The following AATK variants were observed in gnomAD, a reference collection of about 807,000 sequenced individuals.
The protein encoded by AATK is serine/threonine-protein kinase LMTK1.
A neutral mutation model predicts 114.3 loss-of-function variants in AATK; 91 were observed. The ratio of observed to expected loss-of-function variants is 0.80; its 90% CI spans 0.67 to 0.95. AATK has a LOEUF of 0.95. AATK is among the 40% of genes least tolerant of loss of function. The pLI is 0.00. For synonymous variants in AATK, 1,075 were observed against 916.5 expected (o/e 1.17, Z -3.12); for missense variants, 2,176 against 1,965.2 (o/e 1.11, Z -2.03).
intron 1 of AATK, 43 bp downstream of exon 1, chr17:81,165,895 G>T: frequency 6.4e-7 from 1 of 1,558,422 alleles, no homozygotes. Flanking sequence ...CGTCCGCAGC[G>T]GAGGGAGGCA....
intron 1 of AATK, among the ~76,000 whole-genome samples, chr17:81,136,903 G>A (rs2061018713): frequency 6.6e-6 from 1 of 152,134 alleles, no homozygotes; most frequent in South Asian, 2.1e-4. Flanking sequence ...AAACCACAGC[G>A]GTTCCCATCT....
At position 81,144,677 on chromosome 17, in the gene AATK, G is replaced by A. The variant is rs867887488; in HGVS notation, c.56-10176C>T. Among the ~76,000 whole-genome samples, 18 of 152,246 alleles carry A rather than the reference G, an allele frequency of 1.2e-4. No homozygotes were observed. The South Asian group carries it at 1.2e-3, about 10-fold the overall frequency. On this transcript the variant is annotated intron_variant, in intron 1 of 13. Transcript: ENST00000326724. ...CTTCTGTCTTCATCAAATCCACACC[G>A]GAGAGTGTGGCAGAGTCTGAGAGCC...
In AATK at chr17:81,132,917, G is replaced by A. The variant is rs1337671053; in HGVS notation, c.189+1451C>T. 1.2e-5 allele frequency: 3 copies of A among 246,750 alleles called. No individual in the cohort carries two copies. The Admixed American group carries it at 1.5e-4, about 13-fold the overall frequency. 15.3% of individuals were successfully genotyped at this position (246,750 alleles called of 1,614,324 possible). ...GAGGAGCTATGGCCAGCCCTTGTTTGGGGCCTTGTTCTTACAGTGCCCCAA... is the reference window on the plus strand; with the variant it reads ...GAGGAGCTATGGCCAGCCCTTGTTTAGGGCCTTGTTCTTACAGTGCCCCAA... On this transcript the variant is annotated intron_variant, in intron 2 of 13. Transcript: ENST00000326724.
chr17:81,118,478 T>C (rs771945869), intron 13 of AATK, 36 bp from the exon 14 acceptor site: 2 of 1,598,470 alleles, frequency 1.3e-6, no homozygotes, highest in East Asian at 2.3e-5. Context: ...CACAGGGTTC[T>C]GAGACACCAG....
At chr17:81,159,276 G>C (rs1325526362) in intron 1 of AATK, among the ~76,000 whole-genome samples, 2 of 152,198 alleles carry the variant, frequency 1.3e-5, no homozygotes, top group South Asian at 4.1e-4. Flanking sequence ...GCCCACAACT[G>C]AGCATCATTC....
In AATK at chr17:81,146,200, A is replaced by G. The variant is rs561600897; in HGVS notation, c.56-11699T>C. 1.3e-4 allele frequency among the ~76,000 whole-genome samples: 19 copies of G among 151,024 alleles called. No homozygotes were observed. The South Asian group carries it at 1.5e-3, about 12-fold the overall frequency. On this transcript the variant is annotated intron_variant, in intron 1 of 13. Transcript: ENST00000326724. ...CGAGACTCCATATTAAAAAAAAAAA[A>G]AAAAGAAAAAATTAGCTGGGCGTGG...
At chr17:81,119,781 C>A (rs545253634) in intron 12 of AATK, among the ~76,000 whole-genome samples, 155 bp downstream of exon 12, 1 of 151,688 alleles carries the variant, frequency 6.6e-6, no homozygotes, top group African/African-American at 2.4e-5. Flanking sequence ...GTACCAGACC[C>A]GCCTCCCATG....
intron 1 of AATK, among the ~76,000 whole-genome samples, chr17:81,145,234 C>CAAAAAA (rs761538299): frequency 3.1e-4 from 37 of 120,298 alleles, no homozygotes; most frequent in East Asian, 5.2e-4. Flanking sequence ...GAGACTCCAT[C>CAAAAAA]AAAAAAAAAA....
At chr17:81,134,305 A>G (rs955565845) in intron 2 of AATK, 63 bp downstream of exon 2, 1 of 1,588,888 alleles carries the variant, frequency 6.3e-7, no homozygotes, top group Non-Finnish European at 8.6e-7. Flanking sequence ...CTCAGGGTCA[A>G]GTGGACGCTA....
intron 1 of AATK, among the ~76,000 whole-genome samples, chr17:81,134,708 C>T (rs1237471986): frequency 6.6e-6 from 1 of 152,226 alleles, no homozygotes; most frequent in Non-Finnish European, 1.5e-5. Context: ...CTGGACACCA[C>T]CCTGGCTTCG....
chr17:81,159,488 T>G (rs912371479), intron 1 of AATK, among the ~76,000 whole-genome samples: 2 of 151,970 alleles, frequency 1.3e-5, no homozygotes, highest in Non-Finnish European at 2.9e-5. Context: ...CCGTGGTCAC[T>G]AGGAAGCCAC....
chr17:81,164,287 C>T (rs1025175686), intron 1 of AATK, among the ~76,000 whole-genome samples: 20 of 152,170 alleles, frequency 1.3e-4, no homozygotes, highest in African/African-American at 4.8e-4. Context: ...CCTCTCTCCT[C>T]CCTAACCCTC....
chr17:81,127,540 C>T (rs148693198), intron 6 of AATK, 43 bp downstream of exon 6: 118 of 1,547,870 alleles, frequency 7.6e-5, no homozygotes, highest in South Asian at 1.1e-4. Flanking sequence ...GGGAGGGCCC[C>T]GGCTCAGCAA....
intron 1 of AATK, among the ~76,000 whole-genome samples, chr17:81,147,633 G>A (rs1243045531): frequency 1.3e-5 from 2 of 152,070 alleles, no homozygotes; most frequent in Admixed American, 6.6e-5. Context: ...GCACACACCT[G>A]TGGTCCCAGC....
In AATK at chr17:81,151,298, G is replaced by GCC. The variant is rs2061292777; in HGVS notation, c.55+14639_55+14640insGG. ...CCCAGCCCCACCTGTCTCCCCCACC[G>GCC]ACCCCTCCTGTCTCCCCCCTCACCC... On this transcript the variant is annotated intron_variant, in intron 1 of 13. Coordinates refer to ENST00000326724, the MANE Select transcript of AATK (RefSeq NM_001080395.3). Among the ~76,000 whole-genome samples, 60 of 119,838 alleles carry GCC rather than the reference G, an allele frequency of 5.0e-4. 2 individuals carry two copies. Among genetic ancestry groups the GCC allele is most frequent in the Admixed American group, 1.3e-3 (15 of 11,760 alleles). The allele number at this position is 119,838 out of a possible 152,430, so 78.6% of individuals were successfully genotyped here.
At position 81,165,919 on chromosome 17, in the gene AATK, C is replaced by A; in HGVS notation, c.55+19G>T. On this transcript the variant is annotated intron_variant, in intron 1 of 13. Transcript: ENST00000326724. ...CGGAGGGAGGCAGCGGCGCGCAGGC[C>A]GGGCCGCCAGGGACTCACCGGGGTC... 1 of 1,570,812 alleles carries A rather than the reference C, an allele frequency of 6.4e-7. No homozygotes were observed. Among genetic ancestry groups the A allele is most frequent in the Admixed American group, 1.9e-5 (1 of 53,578 alleles).
At chr17:81,158,759 A>T (rs1481045689) in intron 1 of AATK, among the ~76,000 whole-genome samples, 1 of 152,192 alleles carries the variant, frequency 6.6e-6, no homozygotes, top group East Asian at 1.9e-4. Context: ...CAAGACCACC[A>T]TGGGCAGCCC....
chr17:81,123,381 C>T, intron 9 of AATK, 38 bp from the exon 10 acceptor site: 11 of 1,331,028 alleles, frequency 8.3e-6, no homozygotes, highest in South Asian at 7.9e-5. Flanking sequence ...CTGGGCACAG[C>T]CTGCCACAGC....
intron 1 of AATK, among the ~76,000 whole-genome samples, chr17:81,163,835 G>C (rs1162262095): frequency 2.0e-5 from 3 of 152,240 alleles, no homozygotes; most frequent in African/African-American, 4.8e-5. Flanking sequence ...GATGAACAAG[G>C]AGCCGGCCCG....
Sources: allele counts gnomAD v4.1 joint callset (sites outside exome capture counted in the v4.1 genomes callset), GRCh38; gene constraint gnomAD v4.1.1; transcripts MANE v1.5; gene names NCBI Gene and HGNC (gene_info 2026-07-23, HGNC 2026-07-21).